The following PRKCB variants were observed in gnomAD, a reference collection of about 807,000 sequenced individuals.
The protein encoded by PRKCB is protein kinase C beta type.
PRKCB carries 13 observed loss-of-function variants against 81.5 expected under a neutral mutation model. The ratio of observed to expected loss-of-function variants is 0.16; its 90% CI spans 0.10 to 0.25. The LOEUF is 0.25. PRKCB is among the 10% of genes least tolerant of loss of function. The pLI, the probability that PRKCB is intolerant of heterozygous loss-of-function variation, is 1.00. For synonymous variants in PRKCB, 335 were observed against 321.4 expected (o/e 1.04, Z -0.45); for missense variants, 509 against 875.7 (o/e 0.58, Z 5.29).
At chr16:24,130,005 C>A (rs1391622635) in intron 9 of PRKCB, among the ~76,000 whole-genome samples, 3 of 152,210 alleles carry the variant, frequency 2.0e-5, no homozygotes, top group Non-Finnish European at 4.4e-5. Context: ...ATGTATCCAT[C>A]TGTCTATCCG....
intron 2 of PRKCB, among the ~76,000 whole-genome samples, chr16:23,952,196 G>A (rs1964293033): frequency 6.6e-6 from 1 of 152,134 alleles, no homozygotes; most frequent in Non-Finnish European, 1.5e-5. Flanking sequence ...AGTGAGTCAG[G>A]GAGTGAATCA....
chr16:24,045,860 G>A (rs1965757115), intron 5 of PRKCB, among the ~76,000 whole-genome samples: 2 of 152,238 alleles, frequency 1.3e-5, no homozygotes, highest in African/African-American at 2.4e-5. Flanking sequence ...TAGATGGCAG[G>A]CCTTACCTGC....
intron 9 of PRKCB, 74 bp downstream of exon 9, chr16:24,124,055 T>G: frequency 6.4e-7 from 1 of 1,555,736 alleles, no homozygotes; most frequent in Non-Finnish European, 8.8e-7. Flanking sequence ...GCTGTTCCTA[T>G]GGGACGGACG....
At chr16:24,107,822 G>C (rs1054456604) in intron 7 of PRKCB, among the ~76,000 whole-genome samples, 3 of 152,308 alleles carry the variant, frequency 2.0e-5, no homozygotes, top group Non-Finnish European at 4.4e-5. Context: ...GCTCTGTTGG[G>C]GCACCTTTTA....
At chr16:24,125,904 G>A (rs1021986866) in intron 9 of PRKCB, among the ~76,000 whole-genome samples, 3 of 152,198 alleles carry the variant, frequency 2.0e-5, no homozygotes, top group African/African-American at 7.2e-5. Context: ...CCTAAGGTTG[G>A]GAATAGGCAG....
chr16:24,161,507 T>C (rs1967257207), intron 10 of PRKCB, among the ~76,000 whole-genome samples: 2 of 152,146 alleles, frequency 1.3e-5, no homozygotes, highest in African/African-American at 4.8e-5. Context: ...ATATAGTTGT[T>C]TAAGTTTTTT....
chr16:24,125,466 A>G (rs1393727554), intron 9 of PRKCB, among the ~76,000 whole-genome samples: 1 of 152,170 alleles, frequency 6.6e-6, no homozygotes, highest in African/African-American at 2.4e-5. Flanking sequence ...TGCTGTTTGC[A>G]AGGCCGGCTG....
At chr16:24,174,273 C>G in intron 11 of PRKCB, 1 of 455,614 alleles carries the variant, frequency 2.2e-6, no homozygotes, top group Non-Finnish European at 3.9e-6. Flanking sequence ...CCCATGTCCC[C>G]TTCTCCACTA....
chr16:24,025,348 CAG>C (rs937869043), intron 3 of PRKCB, among the ~76,000 whole-genome samples: 8 of 152,188 alleles, frequency 5.3e-5, no homozygotes, highest in South Asian at 2.1e-4. Flanking sequence ...ATCTGTAAAA[CAG>C]GGGTAGTAAG....
Position 24,141,456 on chromosome 16 carries a change from A to C in PRKCB, c.1066-13228A>C, listed in dbSNP as rs561670821. ...AGTGATCCACCTGCCTCAGCCTCCC[A>C]AAGTGCTGGGATTACAGGCGTGAGC... is the stretch of plus-strand genomic sequence containing the variant. On this transcript the variant is annotated intron_variant, in intron 9 of 16. Transcript: ENST00000643927. Among the ~76,000 whole-genome samples the C allele has an allele frequency of 3.5e-4, 54 of 152,294 alleles. 2 individuals are homozygous for C. In the East Asian group the frequency reaches 7.5e-3, roughly 21 times the overall value.
At position 24,217,450 on chromosome 16, in the gene PRKCB, C is replaced by A. The variant is rs1968245967; in HGVS notation, c.*2634C>A. 2.0e-6 allele frequency: 2 copies of A among 985,292 alleles called. No homozygotes were observed. The highest frequency in any genetic ancestry group is 6.1e-5 in the Admixed American group (1 of 16,268). The allele number at this position is 985,292 out of a possible 1,614,324, so 61.0% of individuals were successfully genotyped here. On this transcript the variant is annotated 3_prime_UTR_variant, in exon 17 of 17. Transcript: ENST00000643927. ...AATGGGAGGTCAGTAGAATTAATAA[C>A]CCTCCTTGGATGAGTGCTACTGTTT... is the stretch of plus-strand genomic sequence containing the variant.
chr16:24,196,314 A>G (rs956086349), intron 16 of PRKCB, among the ~76,000 whole-genome samples: 1 of 152,208 alleles, frequency 6.6e-6, no homozygotes, highest in Non-Finnish European at 1.5e-5. Flanking sequence ...ATTAGAGTGC[A>G]TGGTGTTTTT....
chr16:23,901,009 A>G (rs1444433973), intron 2 of PRKCB, among the ~76,000 whole-genome samples: 2 of 151,702 alleles, frequency 1.3e-5, no homozygotes, highest in Non-Finnish European at 2.9e-5. Flanking sequence ...GTCCTTCTTG[A>G]CCGCCCCCTC....
chr16:24,216,386 G>A lies in PRKCB; in HGVS notation c.*1570G>A. 1.0e-6 allele frequency: 1 copy of A among 985,398 alleles called. No individual in the cohort carries two copies. The allele number at this position is 985,398 out of a possible 1,614,324, so 61.0% of individuals were successfully genotyped here. On this transcript the variant is annotated 3_prime_UTR_variant, in exon 17 of 17. Coordinates refer to ENST00000643927, the MANE Select transcript of PRKCB (RefSeq NM_002738.7). ...GAAGCCCAAGGAAACCCTTCGGTGGGAGAAATTTCATTTCTGTCTGAGAGG... is the reference window on the plus strand; with the variant it reads ...GAAGCCCAAGGAAACCCTTCGGTGGAAGAAATTTCATTTCTGTCTGAGAGG...
At chr16:24,214,225 G>T (rs1009950432) in intron 16 of PRKCB, among the ~76,000 whole-genome samples, 3 of 152,182 alleles carry the variant, frequency 2.0e-5, no homozygotes, top group African/African-American at 7.2e-5. Flanking sequence ...GGATCTCCCA[G>T]GTGATGTATA....
intron 16 of PRKCB, among the ~76,000 whole-genome samples, chr16:24,203,483 A>G (rs1967994591): frequency 6.6e-6 from 1 of 152,032 alleles, no homozygotes; most frequent in Non-Finnish European, 1.5e-5. Flanking sequence ...AAAAGTTCCC[A>G]CCTCTCAACA....
At chr16:23,953,830 TA>T (rs1341743710) in intron 2 of PRKCB, among the ~76,000 whole-genome samples, 2 of 151,388 alleles carry the variant, frequency 1.3e-5, no homozygotes, top group African/African-American at 4.9e-5. Flanking sequence ...AAGGAGCATA[TA>T]GTCAAAGAGG....
intron 2 of PRKCB, among the ~76,000 whole-genome samples, chr16:23,859,189 A>C (rs1198414249): frequency 1.3e-5 from 2 of 152,222 alleles, no homozygotes; most frequent in Non-Finnish European, 2.9e-5. Context: ...TAAGCTAAGT[A>C]GTTGAAGAGG....
intron 2 of PRKCB, among the ~76,000 whole-genome samples, chr16:23,847,577 C>CATCCAACCATCCATCCATCT (rs112988555): frequency 4.3e-4 from 65 of 150,672 alleles, no homozygotes; most frequent in Non-Finnish European, 8.4e-4. Flanking sequence ...TCCATCCATC[C>CATCCAACCATCCATCCATCT]GTCTGGCTAT....
Sources: gnomAD v4.1 joint callset for allele counts (sites outside exome capture counted in the v4.1 genomes callset) on GRCh38, gnomAD v4.1.1 for gene constraint, MANE v1.5 for transcripts, NCBI Gene and HGNC (gene_info 2026-07-23, HGNC 2026-07-21) for gene names.